Variants in VSTM5 observed in about 807,000 individuals in gnomAD.
The protein encoded by VSTM5 is V-set and transmembrane domain-containing protein 5.
VSTM5 carries 21 observed loss-of-function variants against 20.3 expected under a neutral mutation model. That is an observed-to-expected ratio of 1.03 (90% CI 0.73 to 1.49). VSTM5 has a LOEUF of 1.49. Ranked by LOEUF, VSTM5 falls within the 40% of genes most tolerant of loss-of-function variation. VSTM5 has a pLI of 0.00. For missense variants in VSTM5, 219 were observed against 250.0 expected, an observed-to-expected ratio of 0.88 and a Z score of 0.84; for synonymous variants, 100 against 102.5, an observed-to-expected ratio of 0.98 and a Z score of 0.14.
At chr11:93,849,442 C>A (rs1358820361) in intron 1 of VSTM5, among the ~76,000 whole-genome samples, 3 of 152,242 alleles carry the variant, frequency 2.0e-5, no homozygotes, top group Admixed American at 6.5e-5. Context: ...CAGGCATGAG[C>A]CCCTGCGATT....
At chr11:93,835,762 AC>A (rs1290331812) in intron 1 of VSTM5, among the ~76,000 whole-genome samples, 1 of 152,212 alleles carries the variant, frequency 6.6e-6, no homozygotes, top group Non-Finnish European at 1.5e-5. Flanking sequence ...AATTAAATGC[AC>A]ACAGAATTGA....
At chr11:93,826,699 C>T (rs1247491639) in intron 1 of VSTM5, among the ~76,000 whole-genome samples, 5 of 152,004 alleles carry the variant, frequency 3.3e-5, no homozygotes, top group African/African-American at 4.8e-5. Flanking sequence ...GTGCCCAGCC[C>T]GACATCTTTT....
intron 1 of VSTM5, among the ~76,000 whole-genome samples, chr11:93,823,806 TG>T (rs1944209803): frequency 6.6e-6 from 1 of 151,184 alleles, no homozygotes; most frequent in Admixed American, 6.6e-5. Context: ...TTCCATGTCT[TG>T]GCTATTGTGA....
chr11:93,838,541 C>T (rs1410871128), intron 1 of VSTM5, among the ~76,000 whole-genome samples: 4 of 151,492 alleles, frequency 2.6e-5, no homozygotes, highest in Admixed American at 6.6e-5. Context: ...CCTGTAATCC[C>T]AGCACTTTGG....
intron 1 of VSTM5, among the ~76,000 whole-genome samples, chr11:93,824,631 TATTG>T (rs1379728008): frequency 1.3e-5 from 2 of 152,356 alleles, no homozygotes; most frequent in Middle Eastern, 3.4e-3. Flanking sequence ...CTTTCCATTT[TATTG>T]ATTGTTTCCT....
chr11:93,843,259 C>T (rs111254633), intron 1 of VSTM5, among the ~76,000 whole-genome samples: 362 of 152,258 alleles, frequency 2.4e-3, no homozygotes, highest in Middle Eastern at 0.02. Context: ...GGTTAAGGGT[C>T]CCATTTCTGT....
intron 1 of VSTM5, among the ~76,000 whole-genome samples, chr11:93,835,443 A>G (rs1030345195): frequency 6.6e-6 from 1 of 152,216 alleles, no homozygotes; most frequent in Non-Finnish European, 1.5e-5. Context: ...TAAAAAAATT[A>G]AAAAGAAATT....
At chr11:93,837,948 G>C (rs1944337273) in intron 1 of VSTM5, among the ~76,000 whole-genome samples, 1 of 151,760 alleles carries the variant, frequency 6.6e-6, no homozygotes, top group Non-Finnish European at 1.5e-5. Flanking sequence ...GGGGCCAAGA[G>C]ATCTGCTGGT....
chr11:93,828,013 T>C (rs1032117342), intron 1 of VSTM5, among the ~76,000 whole-genome samples: 6 of 152,224 alleles, frequency 3.9e-5, no homozygotes, highest in East Asian at 1.9e-4. Context: ...GCCATTTATA[T>C]AATTTTGAAT....
Position 93,820,857 on chromosome 11 carries a change from C to A in VSTM5, c.445G>T (p.Val149Phe). ...GCGAGAAAAGCAAGGATGACAGCGA[C>A]AAAGTGCAGGTCTTCATAGAGGATC... Reference protein sequence around the residue: ...SEILYEDLHFVAVILAFLAAV... With the variant: ...SEILYEDLHFFAVILAFLAAV... Residue 149 changes from valine to phenylalanine, a missense_variant, in exon 3 of 4, where the codon GTC becomes TTC. Val to Phe is a conservative substitution (Grantham distance 50). Coordinates refer to ENST00000409977, the MANE Select transcript of VSTM5 (RefSeq NM_001144871.2). 1 of 1,550,642 alleles carries A rather than the reference C, an allele frequency of 6.4e-7. No homozygotes were observed. The highest frequency in any genetic ancestry group is 8.7e-7 in the Non-Finnish European group (1 of 1,146,990).
At chr11:93,850,328 GCCGCTGCTAGACCCCGGGGCC>G (rs1215872236) in intron 1 of VSTM5, 63 bp downstream of exon 1, 32 of 1,245,534 alleles carry the variant, frequency 2.6e-5, no homozygotes, top group Non-Finnish European at 3.4e-5. Flanking sequence ...GGCCAGGGGG[GCCGCTGCTAGACCCCGGGGCC>G]CCGCCCGTGC....
intron 1 of VSTM5, among the ~76,000 whole-genome samples, chr11:93,849,894 C>T (rs1002366029): frequency 3.9e-5 from 6 of 152,216 alleles, no homozygotes; most frequent in African/African-American, 1.2e-4. Context: ...ACCCCAGAAC[C>T]GTTTTTCTCA....
chr11:93,828,933 C>G (rs901855289), intron 1 of VSTM5, among the ~76,000 whole-genome samples: 2 of 152,110 alleles, frequency 1.3e-5, no homozygotes, highest in Non-Finnish European at 2.9e-5. Context: ...GCAGGACACA[C>G]CCAGGCTCTA....
At chr11:93,833,010 A>G (rs1172054669) in intron 1 of VSTM5, among the ~76,000 whole-genome samples, 1 of 152,196 alleles carries the variant, frequency 6.6e-6, no homozygotes, top group Non-Finnish European at 1.5e-5. Flanking sequence ...GCTGTTCAAT[A>G]TGGTAGCTGC....
intron 1 of VSTM5, among the ~76,000 whole-genome samples, chr11:93,849,519 G>A (rs543795839): frequency 1.3e-5 from 2 of 152,198 alleles, no homozygotes; most frequent in East Asian, 3.9e-4. Flanking sequence ...GTTTATTAGG[G>A]TTGCCCTAAG....
intron 1 of VSTM5, among the ~76,000 whole-genome samples, chr11:93,846,766 ATTTTTTTTTTT>A (rs143745842): frequency 2.1e-5 from 2 of 94,650 alleles, no homozygotes. Flanking sequence ...ATTTTTTTTA[ATTTTTTTTTTT>A]TTTTTTTTGA....
rs190046271 is a variant in VSTM5 at position 93,818,364 on chromosome 11, G to T, written c.*2205C>A. The T allele has an allele frequency of 6.6e-6, 1 of 151,890 alleles. No individual in the cohort carries two copies. The highest frequency in any genetic ancestry group is 1.5e-5 in the Non-Finnish European group (1 of 67,988). 9.4% of individuals were successfully genotyped at this position (151,890 alleles called of 1,614,324 possible). On this transcript the variant is annotated 3_prime_UTR_variant, in exon 4 of 4. Coordinates refer to ENST00000409977, the MANE Select transcript of VSTM5 (RefSeq NM_001144871.2). Reference sequence around the variant, plus strand: ...TTTTTCTGAAAAGCAAAAACCTCAGGCTCTGCATTTTAAACCTTTCCACAG... The same window carrying T: ...TTTTTCTGAAAAGCAAAAACCTCAGTCTCTGCATTTTAAACCTTTCCACAG...
intron 1 of VSTM5, among the ~76,000 whole-genome samples, chr11:93,844,834 C>T (rs1186285798): frequency 7.5e-6 from 1 of 132,570 alleles, no homozygotes; most frequent in East Asian, 2.9e-4. Context: ...CAGTGCAGGG[C>T]CCCGCTGCTA....
At chr11:93,827,715 C>T (rs1218217710) in intron 1 of VSTM5, 1 of 149,150 alleles carries the variant, frequency 6.7e-6, no homozygotes, top group Admixed American at 6.7e-5. Context: ...CTTCTCACTA[C>T]TGCTATTGAG....
Sources: allele counts gnomAD v4.1 joint callset (sites outside exome capture counted in the v4.1 genomes callset), GRCh38; gene constraint gnomAD v4.1.1; transcripts MANE v1.5; gene names NCBI Gene and HGNC (gene_info 2026-07-23, HGNC 2026-07-21).